MYO9B: variants seen among roughly 807,000 people sequenced by gnomAD.
The protein encoded by MYO9B is unconventional myosin-IXb.
Under a neutral mutation model 229.5 loss-of-function variants are expected in MYO9B, and 71 were observed. That is an observed-to-expected ratio of 0.31 (90% CI 0.26 to 0.38). The LOEUF is 0.38. Ranked by LOEUF, MYO9B falls within the 10% of genes least tolerant of loss-of-function variation. The pLI is 1.00. For missense variants in MYO9B, 2,255 were observed against 2,920.5 expected, an observed-to-expected ratio of 0.77 and a Z score of 5.25; for synonymous variants, 1,185 against 1,235.8, an observed-to-expected ratio of 0.96 and a Z score of 0.86.
chr19:17,126,439 CT>C (rs2058019980), intron 2 of MYO9B, among the ~76,000 whole-genome samples: 1 of 152,200 alleles, frequency 6.6e-6, no homozygotes, highest in Admixed American at 6.5e-5. Flanking sequence ...ACAGCGGCCC[CT>C]GGCCACTCTT....
intron 2 of MYO9B, among the ~76,000 whole-genome samples, chr19:17,141,498 A>C (rs1460760413): frequency 1.3e-5 from 2 of 152,178 alleles, no homozygotes; most frequent in Non-Finnish European, 2.9e-5. Flanking sequence ...AGGCCCCAGG[A>C]CCAGCTCTGC....
Position 17,163,113 on chromosome 19 carries a change from G to A in MYO9B, c.1662G>A (p.Lys554=). 1 of 1,556,046 alleles carries A rather than the reference G, an allele frequency of 6.4e-7. No individual in the cohort carries two copies. Among genetic ancestry groups the A allele is most frequent in the Non-Finnish European group, 8.7e-7 (1 of 1,149,474 alleles). The part of the protein sequence containing the change: ...LQYYFNQHIF[K]LEQEEYQGEG... ...ATTACTTCAACCAGCACATCTTCAA[G>A]CTGGAGCAGGTGCGGAAAGGGCTTT... Residue 554 remains lysine, a synonymous_variant, in exon 10 of 40, where the codon AAG becomes AAA. Coordinates refer to ENST00000682292, the MANE Select transcript of MYO9B (RefSeq NM_004145.4).
chr19:17,086,600 C>T (rs2057585751), intron 1 of MYO9B, among the ~76,000 whole-genome samples: 1 of 152,196 alleles, frequency 6.6e-6, no homozygotes, highest in Non-Finnish European at 1.5e-5. Context: ...GTCTCCATGG[C>T]CAGGTGCAAT....
At chr19:17,189,995 G>T (rs1297764814) in intron 19 of MYO9B, among the ~76,000 whole-genome samples, 1 of 151,260 alleles carries the variant, frequency 6.6e-6, no homozygotes, top group East Asian at 2.0e-4. Context: ...AACCCGGGAG[G>T]AGGAGCTTGC....
intron 6 of MYO9B, among the ~76,000 whole-genome samples, chr19:17,155,611 A>AT (rs199922948): frequency 1.3e-5 from 2 of 150,766 alleles, no homozygotes; most frequent in African/African-American, 4.9e-5. Context: ...GACCCCATCA[A>AT]TTTTTTTTTA....
intron 2 of MYO9B, among the ~76,000 whole-genome samples, chr19:17,121,726 C>T (rs554852611): frequency 6.6e-6 from 1 of 152,268 alleles, no homozygotes; most frequent in South Asian, 2.1e-4. Context: ...TGGCTCACGC[C>T]GATAATTCCA....
At chr19:17,108,020 T>G (rs2057809110) in intron 2 of MYO9B, among the ~76,000 whole-genome samples, 1 of 152,184 alleles carries the variant, frequency 6.6e-6, no homozygotes, top group Non-Finnish European at 1.5e-5. Context: ...GCCTGGGTCC[T>G]TGAGGGCTGC....
At chr19:17,102,701 G>T in intron 2 of MYO9B, 144 bp downstream of exon 2, 2 of 1,193,448 alleles carry the variant, frequency 1.7e-6, no homozygotes, top group Non-Finnish European at 2.3e-6. Flanking sequence ...AGGAGTTCAA[G>T]ATCAGCCTGG....
intron 14 of MYO9B, among the ~76,000 whole-genome samples, chr19:17,176,958 T>C (rs1343666659): frequency 6.6e-6 from 1 of 152,192 alleles, no homozygotes; most frequent in East Asian, 1.9e-4. Context: ...CCCAGCACTT[T>C]GGGAGACCAA....
chr19:17,130,735 T>C (rs2072185622), intron 2 of MYO9B, among the ~76,000 whole-genome samples: 1 of 151,096 alleles, frequency 6.6e-6, no homozygotes, highest in Non-Finnish European at 1.5e-5. Flanking sequence ...AGTGAGCCAC[T>C]GCATTCTGGC....
chr19:17,136,443 A>G (rs1053596531), intron 2 of MYO9B, among the ~76,000 whole-genome samples: 13 of 152,116 alleles, frequency 8.5e-5, no homozygotes, highest in Non-Finnish European at 1.6e-4. Flanking sequence ...AGCACCTAGA[A>G]TGCAGCACAT....
intron 28 of MYO9B, 130 bp downstream of exon 28, chr19:17,202,433 GC>G: frequency 2.2e-6 from 2 of 905,222 alleles, no homozygotes; most frequent in Non-Finnish European, 3.3e-6. Context: ...CCATACCACA[GC>G]CACTGTGCCA....
chr19:17,209,732 G>A (rs2073204571), intron 36 of MYO9B, 23 bp downstream of exon 36: 1 of 1,612,522 alleles, frequency 6.2e-7, no homozygotes, highest in South Asian at 1.1e-5. Context: ...GATCGTGGGG[G>A]CGGGACCTCT....
chr19:17,129,389 G>A (rs779990973), intron 2 of MYO9B, among the ~76,000 whole-genome samples: 21 of 151,916 alleles, frequency 1.4e-4, no homozygotes, highest in Non-Finnish European at 3.1e-4. Flanking sequence ...GCGACAGAGC[G>A]AGACAGTTTC....
intron 1 of MYO9B, among the ~76,000 whole-genome samples, chr19:17,091,770 C>T (rs778434141): frequency 2.0e-5 from 3 of 152,182 alleles, no homozygotes; most frequent in African/African-American, 7.2e-5. Context: ...AGGGCTACCC[C>T]CTTCCCTGCA....
intron 26 of MYO9B, among the ~76,000 whole-genome samples, chr19:17,201,696 G>A (rs186615863): frequency 3.3e-5 from 5 of 152,136 alleles, no homozygotes; most frequent in South Asian, 4.1e-4. Context: ...TTAACCTGCT[G>A]TGGTACACAG....
intron 2 of MYO9B, among the ~76,000 whole-genome samples, chr19:17,128,925 C>T (rs760044530): frequency 1.3e-5 from 2 of 152,128 alleles, no homozygotes; most frequent in African/African-American, 2.4e-5. Flanking sequence ...TGTGGTGGCT[C>T]GATATTTGCA....
At chr19:17,111,421 ATAGAT>A (rs1223783854) in intron 2 of MYO9B, among the ~76,000 whole-genome samples, 1 of 152,222 alleles carries the variant, frequency 6.6e-6, no homozygotes, top group Non-Finnish European at 1.5e-5. Flanking sequence ...TTATAAATAT[ATAGAT>A]TAAATTGTAT....
intron 2 of MYO9B, among the ~76,000 whole-genome samples, chr19:17,123,713 A>G (rs1051207792): frequency 6.6e-6 from 1 of 152,034 alleles, no homozygotes; most frequent in Non-Finnish European, 1.5e-5. Context: ...CTGGCCACAA[A>G]GTAAAAATTC....
Sources: gnomAD v4.1 joint callset for allele counts (sites outside exome capture counted in the v4.1 genomes callset) on GRCh38, gnomAD v4.1.1 for gene constraint, MANE v1.5 for transcripts, NCBI Gene and HGNC (gene_info 2026-07-23, HGNC 2026-07-21) for gene names.